The following CDK20 variants were observed in gnomAD, a reference collection of about 807,000 sequenced individuals.
The protein encoded by CDK20 is cyclin-dependent kinase 20.
A neutral mutation model predicts 38.6 loss-of-function variants in CDK20; 40 were observed. The ratio of observed to expected loss-of-function variants is 1.04; its 90% CI spans 0.81 to 1.35. CDK20 has a LOEUF of 1.35. Ranked by LOEUF, CDK20 falls within the 40% of genes most tolerant of loss-of-function variation. The probability of loss-of-function intolerance (pLI) is 0.00; values close to 1 mark genes in which losing one functional copy is unlikely to be tolerated. For synonymous variants in CDK20, 209 were observed against 185.7 expected, an observed-to-expected ratio of 1.13 and a Z score of -1.02; for missense variants, 512 against 452.6, an observed-to-expected ratio of 1.13 and a Z score of -1.19.
intron 5 of CDK20, 42 bp downstream of exon 5, chr9:87,970,526 C>T: frequency 6.4e-7 from 1 of 1,573,720 alleles, no homozygotes; most frequent in Non-Finnish European, 8.7e-7. Context: ...TAGCAGAAAT[C>T]CATGAGCCAT....
chr9:87,970,219 C>G (rs1211602082), intron 5 of CDK20: 3 of 440,796 alleles, frequency 6.8e-6, no homozygotes, highest in East Asian at 7.1e-5. Flanking sequence ...TGCTGCAAAA[C>G]AAGCTCAGAG....
chr9:87,967,565 G>A lies in CDK20; in HGVS notation c.938C>T (p.Ala313Val), dbSNP rs771839370. 7 of 1,550,148 alleles carry A rather than the reference G, an allele frequency of 4.5e-6. No individual in the cohort carries two copies. The South Asian group carries it at 8.3e-5, about 18-fold the overall frequency. The change falls in exon 8 of 8, where the codon GCC (alanine) becomes GTC (valine). Residue 313 changes from alanine to valine, a missense_variant. By Grantham distance (64) the Ala-to-Val change is moderately conservative (BLOSUM62 0). Coordinates refer to ENST00000325303, the MANE Select transcript of CDK20 (RefSeq NM_001039803.3). Reference sequence around the variant, plus strand: ...ATGGATGTGGGGGGGCCCTGGATGGGCCTTGGGGGCAGGTCCCCCTAGACG... The same window carrying A: ...ATGGATGTGGGGGGGCCCTGGATGGACCTTGGGGGCAGGTCCCCCTAGACG... ...PQRLGGPAPK[A>V]HPGPPHIHDF...
rs758770446 is a variant in CDK20 at position 87,969,796 on chromosome 9, C to T, written c.687G>A (p.Pro229=). The change falls in exon 6 of 8, where the codon CCG becomes CCA. Residue 229 remains proline (P), a splice_region_variant and synonymous_variant. Transcript: ENST00000325303. ...CACCTCACCAAGGGCCCCTACAAAC[C>T]GGCCAGACTTGAGGGTTTGGGGTGC... ...ILGTPNPQVW[P]ELTELPDYNK... 4.3e-6 allele frequency: 7 copies of T among 1,613,708 alleles called. No individual in the cohort carries two copies. The highest frequency in any genetic ancestry group is 2.2e-5 in the South Asian group (2 of 91,040).
chr9:87,972,715 A>G (rs560926308), intron 2 of CDK20, among the ~76,000 whole-genome samples: 3 of 152,170 alleles, frequency 2.0e-5, no homozygotes, highest in African/African-American at 7.2e-5. Context: ...CAAGGAGCAA[A>G]TCTAGAGTAT....
intron 6 of CDK20, 200 bp downstream of exon 6, chr9:87,969,596 A>G (rs767307704): frequency 1.8e-4 from 158 of 870,818 alleles, no homozygotes; most frequent in Non-Finnish European, 2.6e-4. Context: ...CTGGGGTGAA[A>G]AGGGACAAAG....
At chr9:87,973,056 A>G (rs1477959083) in intron 2 of CDK20, among the ~76,000 whole-genome samples, 1 of 152,220 alleles carries the variant, frequency 6.6e-6, no homozygotes, top group African/African-American at 2.4e-5. Flanking sequence ...CACATATATA[A>G]TATTTCCAAA....
At chr9:87,972,449 T>G (rs546530265) in intron 2 of CDK20, among the ~76,000 whole-genome samples, 21 of 152,218 alleles carry the variant, frequency 1.4e-4, no homozygotes, top group Admixed American at 8.5e-4. Flanking sequence ...TGTTCTGTGC[T>G]CCTGGACCCT....
chr9:87,973,900 A>C (rs1587631152), intron 2 of CDK20, 22 bp downstream of exon 2: 2 of 1,606,380 alleles, frequency 1.2e-6, no homozygotes, highest in Non-Finnish European at 8.5e-7. Flanking sequence ...TGAGAATACC[A>C]TGCCCCCCCT....
rs1210483636 is a variant in CDK20, at chr9:87,967,525, G to A, written c.978C>T (p.Asp326=). ...GPPHIHDFHV[D]RPLEESLLNP... ...TCAACAGCGACTCCTCAAGAGGCCG[G>A]TCCACGTGGAAGTCATGGATGTGGG... The change falls in exon 8 of 8, where the codon GAC becomes GAT. Residue 326 remains aspartate (D), a synonymous_variant. Coordinates refer to ENST00000325303, the MANE Select transcript of CDK20 (RefSeq NM_001039803.3). 3 of 1,555,452 alleles carry A rather than the reference G, an allele frequency of 1.9e-6. No homozygotes were observed. The highest frequency in any genetic ancestry group is 2.7e-5 in the African/African-American group (2 of 73,232).
intron 1 of CDK20, 99 bp downstream of exon 1, chr9:87,974,273 G>A: frequency 7.5e-7 from 1 of 1,336,920 alleles, no homozygotes; most frequent in South Asian, 1.2e-5. Flanking sequence ...TTTAAAAACT[G>A]TACTGGATGT....
At position 87,967,251 on chromosome 9, in the gene CDK20, TCTC is replaced by T; in HGVS notation, c.*208_*210del. On this transcript the variant is annotated 3_prime_UTR_variant, in exon 8 of 8. Coordinates refer to ENST00000325303, the MANE Select transcript of CDK20 (RefSeq NM_001039803.3). ...AGGCTCACCGAGCACAGGCCATGAA[TCTC>T]CTCTGCTCGACTGGATGTTCTCATA... 3 of 698,122 alleles carry T rather than the reference TCTC, an allele frequency of 4.3e-6. No homozygotes were observed. The highest frequency in any genetic ancestry group is 3.0e-5 in the South Asian group (2 of 67,174). 43.2% of individuals were successfully genotyped at this position (698,122 alleles called of 1,614,324 possible).
intron 2 of CDK20, among the ~76,000 whole-genome samples, chr9:87,973,318 C>T (rs903350412): frequency 6.6e-6 from 1 of 152,210 alleles, no homozygotes; most frequent in Non-Finnish European, 1.5e-5. Flanking sequence ...CCTGTTGCCT[C>T]TGTCTCTTGT....
rs1484778072 is a variant in CDK20 at position 87,969,839 on chromosome 9, T to TAGC, written c.641_643dup (p.Cys214dup). ...TGGGGTGCCCAAGATGCGAAGCACA[T>TAGC]AGCAAAGCTGTTCAATATCGTTCTT... On this transcript the variant is annotated inframe_insertion, in exon 6 of 8. Transcript: ENST00000325303. 1 of 1,613,274 alleles carries TAGC rather than the reference T, an allele frequency of 6.2e-7. No homozygotes were observed. The highest frequency in any genetic ancestry group is 8.5e-7 in the Non-Finnish European group (1 of 1,179,618).
chr9:87,974,157 C>G, intron 1 of CDK20, 122 bp from the exon 2 acceptor site: 1 of 1,529,900 alleles, frequency 6.5e-7, no homozygotes. Flanking sequence ...AGGCCCTCCT[C>G]GGGGGTCTAG....
At position 87,974,134 on chromosome 9, in the gene CDK20, C is replaced by T. The variant is rs112225772; in HGVS notation, c.76-99G>A. 79 of 1,583,206 alleles carry T rather than the reference C, an allele frequency of 5.0e-5. No homozygotes were observed. The African/African-American group carries it at 7.6e-4, about 15-fold the overall frequency. On this transcript the variant is annotated intron_variant, in intron 1 of 7. Transcript: ENST00000325303. Reference sequence around the variant, plus strand: ...GTGGTTGAGAGAGAGACACGCGCCCCCGGCTCGGCCAGAGGCCCTCCTCGG... The same window carrying T: ...GTGGTTGAGAGAGAGACACGCGCCCTCGGCTCGGCCAGAGGCCCTCCTCGG...
chr9:87,973,461 A>G (rs1026521112), intron 2 of CDK20, among the ~76,000 whole-genome samples: 1 of 152,144 alleles, frequency 6.6e-6, no homozygotes, highest in Non-Finnish European at 1.5e-5. Context: ...CAAACCCTCT[A>G]CTGACTAACG....
intron 5 of CDK20, chr9:87,970,170 C>T: frequency 2.2e-6 from 1 of 456,544 alleles, no homozygotes; most frequent in Non-Finnish European, 3.8e-6. Flanking sequence ...GCAAACCTGC[C>T]CCAAATCTCA....
intron 2 of CDK20, among the ~76,000 whole-genome samples, chr9:87,972,518 G>T (rs1413386103): frequency 6.6e-6 from 1 of 152,172 alleles, no homozygotes; most frequent in Non-Finnish European, 1.5e-5. Flanking sequence ...AGAGAAAAGG[G>T]AGAGGCCAGC....
At chr9:87,969,543 A>G (rs1479330444) in intron 6 of CDK20, 194 bp from the exon 7 acceptor site, 7 of 772,622 alleles carry the variant, frequency 9.1e-6, no homozygotes, top group East Asian at 2.7e-5. Context: ...CTCTCAGATG[A>G]CGACTCTGTG....
Sources: allele counts gnomAD v4.1 joint callset (sites outside exome capture counted in the v4.1 genomes callset), GRCh38; gene constraint gnomAD v4.1.1; transcripts MANE v1.5; gene names NCBI Gene and HGNC (gene_info 2026-07-23, HGNC 2026-07-21).